NAALADL2: variants seen among roughly 807,000 people sequenced by gnomAD.
NAALADL2 encodes N-acetylated alpha-linked acidic dipeptidase like 2.
Under a neutral mutation model 87.2 loss-of-function variants are expected in NAALADL2, and 76 were observed. The ratio of observed to expected loss-of-function variants is 0.87; its 90% CI spans 0.72 to 1.05. NAALADL2 has a LOEUF of 1.05. Ranked by LOEUF, NAALADL2 falls within the 50% of genes least tolerant of loss-of-function variation. NAALADL2 has a pLI of 0.00. For missense variants in NAALADL2, 1,089 were observed against 945.8 expected, an observed-to-expected ratio of 1.15 and a Z score of -1.99; for synonymous variants, 354 against 331.0, an observed-to-expected ratio of 1.07 and a Z score of -0.75.
rs761987226 is a variant in NAALADL2 at position 175,463,517 on chromosome 3, A to C, written c.1327+24A>C. ...AGGTAAGTAGGGTTGAAAATTTATA[A>C]TCTACACTTTATATGAAACTATACA... On this transcript the variant is annotated intron_variant, in intron 7 of 13. Coordinates refer to ENST00000454872, the MANE Select transcript of NAALADL2 (RefSeq NM_207015.3). 6 of 1,257,408 alleles carry C rather than the reference A, an allele frequency of 4.8e-6. No individual in the cohort carries two copies. The East Asian group carries it at 1.4e-4, about 30-fold the overall frequency. 77.9% of individuals were successfully genotyped at this position (1,257,408 alleles called of 1,614,324 possible).
In NAALADL2 at chr3:175,469,367, T is replaced by A. The variant is rs557670843; in HGVS notation, c.1533+2183T>A. 6.6e-5 allele frequency among the ~76,000 whole-genome samples: 10 copies of A among 152,178 alleles called. No homozygotes were observed. In the East Asian group the frequency reaches 1.9e-3, roughly 29 times the overall value. ...AGTTTATGTTAGACTGAAACTAATT[T>A]ATGCTCTAAATATATTCCCCTGTGA... On this transcript the variant is annotated intron_variant, in intron 8 of 13. Transcript: ENST00000454872.
At chr3:174,724,884 A>G (rs547479244) in intron 2 of NAALADL2, among the ~76,000 whole-genome samples, 1 of 152,182 alleles carries the variant, frequency 6.6e-6, no homozygotes, top group East Asian at 1.9e-4. Flanking sequence ...AAATGTGACA[A>G]CTTTGAGAAT....
At position 174,537,273 on chromosome 3, in the gene NAALADL2, AT is replaced by A. The variant is rs558825298; in HGVS notation, c.-183-13294del. 4.9e-4 allele frequency among the ~76,000 whole-genome samples: 74 copies of A among 152,286 alleles called. No individual in the cohort carries two copies. The East Asian group carries it at 0.01, about 22-fold the overall frequency. On this transcript the variant is annotated intron_variant, in intron 1 of 3. Coordinates refer to the NAALADL2 transcript ENST00000434257. ...CTAGCAATTGTTTTTTATTATGGAT[AT>A]TAAATTAAAGGGAAGCAAATCTTCA...
chr3:175,421,096 G>A (rs1031015722), intron 5 of NAALADL2, among the ~76,000 whole-genome samples: 3 of 151,870 alleles, frequency 2.0e-5, no homozygotes, highest in African/African-American at 7.3e-5. Context: ...GCATAATAAA[G>A]AAATTATAAA....
chr3:174,543,279 G>A (rs1263602339), intron 1 of NAALADL2, among the ~76,000 whole-genome samples: 8 of 152,144 alleles, frequency 5.3e-5, no homozygotes, highest in African/African-American at 1.9e-4. Flanking sequence ...GGGGAGAGTT[G>A]TGGGTGTTAT....
intron 2 of NAALADL2, among the ~76,000 whole-genome samples, chr3:174,702,439 CTG>C (rs1466964896): frequency 6.6e-6 from 1 of 152,130 alleles, no homozygotes; most frequent in Admixed American, 6.5e-5. Context: ...GAGTGAGACT[CTG>C]TACCTGCTCT....
At position 175,003,536 on chromosome 3, in the gene NAALADL2, G is replaced by A. The variant is rs150628092; in HGVS notation, c.44-93254G>A. On this transcript the variant is annotated intron_variant, in intron 1 of 13. Coordinates refer to ENST00000454872, the MANE Select transcript of NAALADL2 (RefSeq NM_207015.3). ...GATGCAGTTGTATAATACATGCCAC[G>A]TACAACCTCTGGCCTACCACTACGC... 3.7e-3 allele frequency among the ~76,000 whole-genome samples: 561 copies of A among 152,206 alleles called. 1 individual carries two copies. Among genetic ancestry groups the A allele is most frequent in the Non-Finnish European group, 6.6e-3 (447 of 68,024 alleles).
At chr3:175,293,353 C>T (rs986388015) in intron 4 of NAALADL2, among the ~76,000 whole-genome samples, 6 of 151,994 alleles carry the variant, frequency 3.9e-5, no homozygotes, top group African/African-American at 1.5e-4. Context: ...TATATTGTTA[C>T]AAATTTATTT....
At chr3:175,275,365 AG>A (rs1284352219) in intron 4 of NAALADL2, among the ~76,000 whole-genome samples, 1 of 152,210 alleles carries the variant, frequency 6.6e-6, no homozygotes, top group Non-Finnish European at 1.5e-5. Flanking sequence ...GATGATCTTA[AG>A]ATTCTTAAAA....
chr3:175,439,960 C>T lies in NAALADL2; in HGVS notation c.1091-7269C>T, dbSNP rs143991532. Among the ~76,000 whole-genome samples, 293 of 152,056 alleles carry T rather than the reference C, an allele frequency of 1.9e-3. 2 individuals carry two copies. Among genetic ancestry groups the T allele is most frequent in the African/African-American group, 5.8e-3 (242 of 41,508 alleles). ...GGGTTCTAGGTCATGAAGTCTTTGCCTAAGCCAGTGTCTAGAAGGGTTTTT... is the reference window on the plus strand; with the variant it reads ...GGGTTCTAGGTCATGAAGTCTTTGCTTAAGCCAGTGTCTAGAAGGGTTTTT... On this transcript the variant is annotated intron_variant, in intron 5 of 13. Transcript: ENST00000454872.
intron 5 of NAALADL2, among the ~76,000 whole-genome samples, chr3:175,421,582 A>G (rs545581039): frequency 1.3e-5 from 2 of 152,242 alleles, no homozygotes; most frequent in Non-Finnish European, 2.9e-5. Flanking sequence ...GTTGTGTTAC[A>G]GAGGAGTACA....
chr3:175,526,117 T>C (rs1333559637), intron 9 of NAALADL2, among the ~76,000 whole-genome samples: 1 of 152,214 alleles, frequency 6.6e-6, no homozygotes, highest in Admixed American at 6.5e-5. Flanking sequence ...AGGACAGTCT[T>C]GTCAAATGCT....
chr3:175,797,500 C>T (rs551196526), intron 13 of NAALADL2, among the ~76,000 whole-genome samples: 7 of 152,194 alleles, frequency 4.6e-5, no homozygotes, highest in Non-Finnish European at 8.8e-5. Flanking sequence ...GAATGATTCA[C>T]TAAGGAATAT....
At chr3:174,689,604 CTA>C (rs758069203) in intron 2 of NAALADL2, among the ~76,000 whole-genome samples, 2 of 151,932 alleles carry the variant, frequency 1.3e-5, no homozygotes, top group Non-Finnish European at 2.9e-5. Context: ...TAGTTCTCCT[CTA>C]TATTATAGTT....
chr3:174,598,042 C>T (rs768210318), intron 2 of NAALADL2, among the ~76,000 whole-genome samples: 13 of 152,104 alleles, frequency 8.5e-5, no homozygotes, highest in Non-Finnish European at 1.5e-4. Context: ...TCAAATTAAT[C>T]TCCAGTAATT....
At chr3:174,653,524 T>C (rs1724596117) in intron 2 of NAALADL2, among the ~76,000 whole-genome samples, 1 of 152,154 alleles carries the variant, frequency 6.6e-6, no homozygotes, top group African/African-American at 2.4e-5. Context: ...ATACTTTAAT[T>C]TCAAGTATAA....
intron 1 of NAALADL2, among the ~76,000 whole-genome samples, chr3:175,076,801 A>G (rs376998454): frequency 2.0e-5 from 3 of 152,216 alleles, no homozygotes; most frequent in African/African-American, 4.8e-5. Context: ...TGAAATCTAT[A>G]AAGCATACAC....
In NAALADL2 at chr3:174,985,578, G is replaced by A. The variant is rs1484083789; in HGVS notation, c.44-111212G>A. 3.3e-5 allele frequency among the ~76,000 whole-genome samples: 5 copies of A among 152,200 alleles called. No individual in the cohort carries two copies. The East Asian group carries it at 9.7e-4, about 29-fold the overall frequency. On this transcript the variant is annotated intron_variant, in intron 1 of 13. Coordinates refer to ENST00000454872, the MANE Select transcript of NAALADL2 (RefSeq NM_207015.3). ...GTGTGAACGTTGGCTGCTTTTTAGT[G>A]CTGCCATAATAAAAGCAGAAGGCCA...
At chr3:175,436,365 C>T (rs1191571699) in intron 5 of NAALADL2, among the ~76,000 whole-genome samples, 1 of 149,328 alleles carries the variant, frequency 6.7e-6, no homozygotes, top group Admixed American at 6.8e-5. Context: ...GGTATATACC[C>T]ACTAATGGGA....
Sources: gnomAD v4.1 joint callset for allele counts (sites outside exome capture counted in the v4.1 genomes callset) on GRCh38, gnomAD v4.1.1 for gene constraint, MANE v1.5 for transcripts, NCBI Gene and HGNC (gene_info 2026-07-23, HGNC 2026-07-21) for gene names.